The following CDH13 variants were observed in gnomAD, a reference collection of about 807,000 sequenced individuals.
The protein encoded by CDH13 is cadherin 13.
A neutral mutation model predicts 63.8 loss-of-function variants in CDH13; 24 were observed. The ratio of observed to expected loss-of-function variants is 0.38; its 90% confidence interval spans 0.27 to 0.53. CDH13 has a LOEUF of 0.53. Among genes scored for constraint, CDH13 ranks in the 20% least tolerant of loss-of-function variants. The probability of loss-of-function intolerance (pLI) is 0.85; values close to 1 mark genes in which losing one functional copy is unlikely to be tolerated. For missense variants in CDH13, 1,049 were observed against 903.1 expected (o/e 1.16, Z -2.07); for synonymous variants, 503 against 355.3 (o/e 1.42, Z -4.67).
At chr16:82,944,246 T>C (rs76633283) in intron 2 of CDH13, among the ~76,000 whole-genome samples, 16,600 of 152,146 alleles carry the variant, frequency 0.11, 993 homozygotes, top group African/African-American at 0.14. Context: ...TGGGATTTGG[T>C]TTTATGACAT....
chr16:83,561,764 G>C (rs1285260936), intron 7 of CDH13, among the ~76,000 whole-genome samples: 1 of 152,170 alleles, frequency 6.6e-6, no homozygotes, highest in Non-Finnish European at 1.5e-5. Flanking sequence ...GGAATAAATT[G>C]TGCCTGCTGA....
intron 3 of CDH13, among the ~76,000 whole-genome samples, chr16:83,116,987 G>A (rs529811112): frequency 2.1e-4 from 32 of 152,300 alleles, no homozygotes; most frequent in African/African-American, 7.7e-4. Flanking sequence ...CTAGAGGACG[G>A]GCAAATCATC....
intron 8 of CDH13, among the ~76,000 whole-genome samples, chr16:83,646,438 C>T (rs1411724870): frequency 6.6e-6 from 1 of 152,142 alleles, no homozygotes; most frequent in Non-Finnish European, 1.5e-5. Context: ...CAGTGGTTCA[C>T]ACCTGTAATC....
intron 10 of CDH13, among the ~76,000 whole-genome samples, chr16:83,731,728 T>C (rs1424274206): frequency 6.6e-6 from 1 of 152,172 alleles, no homozygotes; most frequent in Non-Finnish European, 1.5e-5. Context: ...TTTCCTAGGT[T>C]TTTTCCAGCT....
intron 7 of CDH13, among the ~76,000 whole-genome samples, chr16:83,589,136 C>G (rs1241815546): frequency 6.6e-6 from 1 of 152,100 alleles, no homozygotes; most frequent in Non-Finnish European, 1.5e-5. Flanking sequence ...CTTGCTTTTT[C>G]TATCTTCTAA....
At chr16:83,794,008 C>G (rs1003652604) in intron 13 of CDH13, among the ~76,000 whole-genome samples, 6 of 152,056 alleles carry the variant, frequency 3.9e-5, no homozygotes, top group African/African-American at 1.4e-4. Flanking sequence ...GAAGATGCTG[C>G]AGTGCTGCCT....
intron 7 of CDH13, among the ~76,000 whole-genome samples, chr16:83,516,332 C>G (rs956849018): frequency 6.6e-6 from 1 of 152,166 alleles, no homozygotes; most frequent in Admixed American, 6.5e-5. Flanking sequence ...AATTTTGAGA[C>G]CTTGAGCCAG....
chr16:83,069,543 C>T (rs1191288285), intron 3 of CDH13, among the ~76,000 whole-genome samples: 5 of 152,074 alleles, frequency 3.3e-5, no homozygotes, highest in East Asian at 3.9e-4. Flanking sequence ...GGTAAGTCAC[C>T]ATCCAAAGTC....
At chr16:82,970,082 C>T (rs953710970) in intron 2 of CDH13, among the ~76,000 whole-genome samples, 1 of 152,132 alleles carries the variant, frequency 6.6e-6, no homozygotes. Flanking sequence ...TGCTATCCCT[C>T]CCCTAGACCC....
chr16:83,130,890 G>T (rs944687827), intron 4 of CDH13, among the ~76,000 whole-genome samples: 1 of 152,160 alleles, frequency 6.6e-6, no homozygotes, highest in East Asian at 1.9e-4. Context: ...CAAAAGCAAG[G>T]TGCTGTGGCA....
At chr16:83,668,226 A>G (rs984675455) in intron 8 of CDH13, among the ~76,000 whole-genome samples, 7 of 152,094 alleles carry the variant, frequency 4.6e-5, no homozygotes, top group Non-Finnish European at 1.0e-4. Flanking sequence ...CCCACTTCCT[A>G]TACTTAAGAT....
chr16:83,303,592 G>T (rs1597704997), intron 5 of CDH13, among the ~76,000 whole-genome samples: 1 of 151,996 alleles, frequency 6.6e-6, no homozygotes, highest in South Asian at 2.1e-4. Flanking sequence ...TTACAGGGAG[G>T]GGGTTGAAGG....
At chr16:83,775,667 T>C (rs1222869482) in intron 11 of CDH13, among the ~76,000 whole-genome samples, 1 of 151,422 alleles carries the variant, frequency 6.6e-6, no homozygotes, top group African/African-American at 2.4e-5. Context: ...TGAGCCAAGA[T>C]CGTGCCACAC....
chr16:83,157,738 T>TATTA (rs2037269446), intron 4 of CDH13, among the ~76,000 whole-genome samples: 2 of 99,536 alleles, frequency 2.0e-5, no homozygotes, highest in South Asian at 3.2e-4. Flanking sequence ...ACTAGAAATA[T>TATTA]AAAAAAAAAA....
chr16:83,785,837 C>T (rs374781850), intron 13 of CDH13, among the ~76,000 whole-genome samples: 84 of 152,210 alleles, frequency 5.5e-4, no homozygotes, highest in African/African-American at 1.8e-3. Flanking sequence ...CCAGGTGGTC[C>T]GAAGACACTG....
chr16:82,986,730 C>G (rs1010173661), intron 2 of CDH13, among the ~76,000 whole-genome samples: 3 of 152,166 alleles, frequency 2.0e-5, no homozygotes, highest in Non-Finnish European at 2.9e-5. Flanking sequence ...GCTGGTCAAA[C>G]CAAGTCACAA....
intron 1 of CDH13, among the ~76,000 whole-genome samples, chr16:82,630,332 A>AT (rs369438582): frequency 2.2e-4 from 33 of 151,548 alleles, no homozygotes; most frequent in African/African-American, 6.0e-4. Flanking sequence ...CTGTCTGAAT[A>AT]TTTTTTTTTA....
intron 6 of CDH13, among the ~76,000 whole-genome samples, chr16:83,423,877 AC>A (rs35054662): frequency 6.6e-6 from 1 of 151,966 alleles, no homozygotes; most frequent in African/African-American, 2.4e-5. Context: ...CTTACTTTCT[AC>A]CCCCATTTCC....
At chr16:83,076,912 A>C (rs747996202) in intron 3 of CDH13, among the ~76,000 whole-genome samples, 3 of 152,008 alleles carry the variant, frequency 2.0e-5, no homozygotes, top group African/African-American at 4.8e-5. Flanking sequence ...AAGTAATGGC[A>C]AAAACCGCAA....
Sources: gnomAD v4.1 joint callset for allele counts (sites outside exome capture counted in the v4.1 genomes callset) on GRCh38, gnomAD v4.1.1 for gene constraint, MANE v1.5 for transcripts, NCBI Gene and HGNC (gene_info 2026-07-23, HGNC 2026-07-21) for gene names.